ATG13: variants seen among roughly 807,000 people sequenced by gnomAD.
The protein encoded by ATG13 is autophagy-related protein 13.
ATG13 carries 23 observed loss-of-function variants against 65.5 expected under a neutral mutation model. The observed-to-expected ratio is 0.35, with a 90% CI of 0.25 to 0.50. The LOEUF (loss-of-function observed/expected upper bound fraction) is 0.50, where lower values mean the gene tolerates loss of function less well. Ranked by LOEUF, ATG13 falls within the 20% of genes least tolerant of loss-of-function variation. The pLI, the probability that ATG13 is intolerant of heterozygous loss-of-function variation, is 0.98. For synonymous variants in ATG13, 252 were observed against 245.2 expected, an observed-to-expected ratio of 1.03 and a Z score of -0.26; for missense variants, 566 against 677.0, an observed-to-expected ratio of 0.84 and a Z score of 1.82.
rs1775616020 is a variant in ATG13, at chr11:46,672,859, C to T, written c.*527C>T. ...CTTTACTTCCTGCTATCTTCTTCTC[C>T]TCTTCTTCTCTCTCTTGCCTCTATG... On this transcript the variant is annotated 3_prime_UTR_variant, in exon 19 of 19. Transcript: ENST00000683050. 8.7e-7 allele frequency: 1 copy of T among 1,145,344 alleles called. No homozygotes were observed. Among genetic ancestry groups the T allele is most frequent in the South Asian group, 1.5e-5 (1 of 66,966 alleles). The allele number at this position is 1,145,344 out of a possible 1,614,324, so 70.9% of individuals were successfully genotyped here.
chr11:46,619,935 A>G (rs1303423323), intron 1 of ATG13, among the ~76,000 whole-genome samples: 2 of 148,598 alleles, frequency 1.3e-5, no homozygotes. Flanking sequence ...TGGCTGAGGC[A>G]GGAGAATCGC....
chr11:46,664,158 A>C, intron 12 of ATG13, 63 bp downstream of exon 12: 1 of 1,225,142 alleles, frequency 8.2e-7, no homozygotes, highest in Non-Finnish European at 1.2e-6. Flanking sequence ...AAAAATTGTA[A>C]ATAAATTATA....
intron 2 of ATG13, among the ~76,000 whole-genome samples, chr11:46,630,409 A>G (rs2051265020): frequency 1.3e-5 from 2 of 152,126 alleles, no homozygotes; most frequent in South Asian, 4.1e-4. Flanking sequence ...GAAATACCAA[A>G]CACCGCTTGT....
At chr11:46,639,593 G>A (rs1037343799) in intron 2 of ATG13, among the ~76,000 whole-genome samples, 1 of 152,108 alleles carries the variant, frequency 6.6e-6, no homozygotes. Flanking sequence ...GAGAAAAGAG[G>A]TTTAATTGTA....
chr11:46,629,492 G>A (rs1401988728), intron 1 of ATG13, among the ~76,000 whole-genome samples: 1 of 151,952 alleles, frequency 6.6e-6, no homozygotes. Flanking sequence ...TGCCTCCTGA[G>A]TTGAAGCGAT....
chr11:46,671,990 C>CT (rs1175936514), intron 18 of ATG13, among the ~76,000 whole-genome samples: 1 of 152,276 alleles, frequency 6.6e-6, no homozygotes, highest in Non-Finnish European at 1.5e-5. Flanking sequence ...TCATCTTGCT[C>CT]TTGTGGTCCT....
chr11:46,664,726 T>C, intron 12 of ATG13, 123 bp from the exon 13 acceptor site: 2 of 814,350 alleles, frequency 2.5e-6, no homozygotes, highest in Non-Finnish European at 4.1e-6. Context: ...CCCCCTGCAC[T>C]GTGGGCATGT....
chr11:46,630,103 A>G lies in ATG13; in HGVS notation c.-14+3A>G, dbSNP rs1425217589. The G allele has an allele frequency of 6.6e-6, 1 of 152,176 alleles. No individual in the cohort carries two copies. The highest frequency in any genetic ancestry group is 2.4e-5 in the African/African-American group (1 of 41,448). The allele number at this position is 152,176 out of a possible 1,614,324, so 9.4% of individuals were successfully genotyped here. A position where few individuals can be genotyped will look rare whatever the true frequency, so the allele number is the denominator to read the frequency against. On this transcript the variant is annotated splice_donor_region_variant and intron_variant, in intron 2 of 18. Coordinates refer to ENST00000683050, the MANE Select transcript of ATG13 (RefSeq NM_001346311.2). ...CTCCTGAGTAGCTGGGACTACAGGTATGTGCCACCAGGCCCCATTTCTTTT... is the reference window on the plus strand; with the variant it reads ...CTCCTGAGTAGCTGGGACTACAGGTGTGTGCCACCAGGCCCCATTTCTTTT...
In ATG13 at chr11:46,673,486, A is replaced by G. The variant is rs958337842; in HGVS notation, c.*1154A>G. ...CCTGGGTGCTAAATGTGATGGCCACATGTAGTGGTTAGGGGATGTTGTGTG... is the reference window on the plus strand; with the variant it reads ...CCTGGGTGCTAAATGTGATGGCCACGTGTAGTGGTTAGGGGATGTTGTGTG... On this transcript the variant is annotated 3_prime_UTR_variant, in exon 19 of 19. Coordinates refer to ENST00000683050, the MANE Select transcript of ATG13 (RefSeq NM_001346311.2). The G allele has an allele frequency of 1.3e-5, 2 of 152,240 alleles. No individual in the cohort carries two copies. The highest frequency in any genetic ancestry group is 4.8e-5 in the African/African-American group (2 of 41,438). 9.4% of individuals were successfully genotyped at this position (152,240 alleles called of 1,614,324 possible). A position where few individuals can be genotyped will look rare whatever the true frequency, so the allele number is the denominator to read the frequency against.
chr11:46,627,696 C>T (rs1408016596), intron 1 of ATG13, among the ~76,000 whole-genome samples: 1 of 151,982 alleles, frequency 6.6e-6, no homozygotes, highest in Admixed American at 6.6e-5. Context: ...TCAGGCTGGT[C>T]TCGAACTCCT....
At chr11:46,664,745 G>A in intron 12 of ATG13, 104 bp from the exon 13 acceptor site, 1 of 1,021,584 alleles carries the variant, frequency 9.8e-7, no homozygotes, top group Non-Finnish European at 1.5e-6. Flanking sequence ...GTGGGCGGGA[G>A]CCATTCCTTA....
At chr11:46,668,091 G>A (rs1565623287) in intron 15 of ATG13, among the ~76,000 whole-genome samples, 2 of 152,194 alleles carry the variant, frequency 1.3e-5, no homozygotes, top group South Asian at 4.1e-4. Context: ...ATTGTCCTGT[G>A]ACCTTTTAAA....
chr11:46,665,797 CTTTTTTTTTTTT>C (rs1159523560), intron 14 of ATG13, among the ~76,000 whole-genome samples: 3 of 87,778 alleles, frequency 3.4e-5, no homozygotes, highest in African/African-American at 1.5e-4. Flanking sequence ...TTTATTTTTC[CTTTTTTTTTTTT>C]TTTTTTTTTT....
chr11:46,635,003 G>A (rs539283345), intron 2 of ATG13, among the ~76,000 whole-genome samples: 6 of 148,558 alleles, frequency 4.0e-5, no homozygotes, highest in Non-Finnish European at 8.9e-5. Context: ...ACCTGGCCTA[G>A]GTTTTTTTTG....
chr11:46,637,818 G>C (rs962290986), intron 2 of ATG13, among the ~76,000 whole-genome samples: 60 of 152,160 alleles, frequency 3.9e-4, no homozygotes, highest in African/African-American at 1.4e-3. Context: ...CCTAATTGGA[G>C]GCTCCTGGCA....
At position 46,665,496 on chromosome 11, in the gene ATG13, C is replaced by T; in HGVS notation, c.1113C>T (p.His371=). The T allele has an allele frequency of 6.2e-7, 1 of 1,614,248 alleles. No homozygotes were observed. The highest frequency in any genetic ancestry group is 8.5e-7 in the Non-Finnish European group (1 of 1,180,030). ...CCTGCACCCCTTCTGACAGAACCCA[C>T]TGTGCTGCCACACCCTCCAGTAGGT... ...LATCTPSDRT[H]CAATPSSSED... Residue 371 remains histidine (H), a synonymous_variant, in exon 14 of 19, where the codon CAC becomes CAT. Coordinates refer to ENST00000683050, the MANE Select transcript of ATG13 (RefSeq NM_001346311.2).
chr11:46,645,804 A>G (rs1318718024), intron 4 of ATG13, 66 bp from the exon 5 acceptor site: 10 of 1,598,908 alleles, frequency 6.3e-6, no homozygotes, highest in Non-Finnish European at 8.6e-6. Flanking sequence ...TACCCAGCAT[A>G]CACTAATTTC....
rs549075543 is a variant in ATG13 at position 46,657,120 on chromosome 11, A to G, written c.525A>G (p.Thr175=). The G allele has an allele frequency of 6.2e-6, 10 of 1,614,208 alleles. No individual in the cohort carries two copies. Among genetic ancestry groups the G allele is most frequent in the South Asian group, 2.2e-5 (2 of 91,080 alleles). ...GCTTCCAGACAGTTCGTGTTGGGAC[A>G]GTGGGCACCCCTGTGGGCACCATCA... ...GEGFQTVRVG[T]VGTPVGTITL... is the part of the protein sequence containing the mutation. Residue 175 remains threonine (T), a synonymous_variant, in exon 9 of 19, where the codon ACA becomes ACG. Coordinates refer to ENST00000683050, the MANE Select transcript of ATG13 (RefSeq NM_001346311.2).
Position 46,672,276 on chromosome 11 carries a change from G to C in ATG13, c.1597G>C (p.Ala533Pro). ...EDLDSLPEKL[A>P]VHEKNVREFD... ...ACAGGACTCATTACCAGAGAAGCTG[G>C]CTGTGCATGAGAAGAATGTCCGCGA... Residue 533 changes from alanine to proline, a missense_variant, in exon 19 of 19, where the codon GCT (alanine) becomes CCT (proline). Ala to Pro is a conservative substitution (Grantham distance 27). This residue lies in a region of ATG13 where 387 missense variants were observed against 409.8 expected (regional missense o/e 0.94). Coordinates refer to ENST00000683050, the MANE Select transcript of ATG13 (RefSeq NM_001346311.2). The C allele has an allele frequency of 1.9e-6, 3 of 1,614,226 alleles. No individual in the cohort carries two copies. Among genetic ancestry groups the C allele is most frequent in the Non-Finnish European group, 2.5e-6 (3 of 1,180,030 alleles).
Sources: gnomAD v4.1 joint callset for allele counts (sites outside exome capture counted in the v4.1 genomes callset) on GRCh38, gnomAD v4.1.1 for gene constraint, gnomAD v4.1.1 regional missense constraint, MANE v1.5 for transcripts, NCBI Gene and HGNC (gene_info 2026-07-23, HGNC 2026-07-21) for gene names.